Variants in VAMP7 observed in about 807,000 individuals in gnomAD.
VAMP7 encodes vesicle-associated membrane protein 7.
Under a neutral mutation model 29.6 loss-of-function variants are expected in VAMP7, and 14 were observed. The ratio of observed to expected loss-of-function variants is 0.47; its 90% confidence interval spans 0.31 to 0.74. VAMP7 has a LOEUF of 0.74. Ranked by LOEUF, VAMP7 falls within the 30% of genes least tolerant of loss-of-function variation. The pLI is 0.05. For synonymous variants in VAMP7, 95 were observed against 88.1 expected, an observed-to-expected ratio of 1.08 and a Z score of -0.44; for missense variants, 223 against 262.4, an observed-to-expected ratio of 0.85 and a Z score of 1.04.
At chrX:155,936,841 A>AT (rs1158549426) in intron 6 of VAMP7, among the ~76,000 whole-genome samples, 3 of 152,192 alleles carry the variant, frequency 2.0e-5, no homozygotes, top group African/African-American at 7.2e-5. Context: ...ATCAAAGGAA[A>AT]TTTTTTAAAA....
intron 6 of VAMP7, among the ~76,000 whole-genome samples, chrX:155,925,288 G>T (rs2066452306): frequency 6.6e-6 from 1 of 152,048 alleles, no homozygotes; most frequent in Admixed American, 6.5e-5. Context: ...AGTTTACTTT[G>T]CCCAGATCCA....
At chrX:155,918,074 G>A (rs937775996) in intron 5 of VAMP7, among the ~76,000 whole-genome samples, 12 of 152,064 alleles carry the variant, frequency 7.9e-5, no homozygotes, top group South Asian at 2.1e-4. Context: ...GGCTCTCCCC[G>A]GTTCAAACTT....
chrX:155,909,339 C>T (rs1264454449), intron 5 of VAMP7, among the ~76,000 whole-genome samples: 3 of 152,060 alleles, frequency 2.0e-5, no homozygotes, highest in Non-Finnish European at 2.9e-5. Flanking sequence ...TCTTTCATTT[C>T]TGATTTTAGT....
At chrX:155,913,124 C>T (rs1014665043) in intron 5 of VAMP7, among the ~76,000 whole-genome samples, 7 of 152,018 alleles carry the variant, frequency 4.6e-5, no homozygotes, top group Non-Finnish European at 8.8e-5. Flanking sequence ...TCTAATGACC[C>T]GTGATGATGA....
intron 4 of VAMP7, among the ~76,000 whole-genome samples, chrX:155,898,645 A>T (rs6642249): frequency 0.61 from 93,290 of 151,706 alleles, 28,854 homozygotes; most frequent in African/African-American, 0.68. Context: ...CCTCATCTGT[A>T]TGAATCCCTA....
chrX:155,890,182 ACTGT>A (rs2065910916), intron 2 of VAMP7, among the ~76,000 whole-genome samples: 1 of 151,918 alleles, frequency 6.6e-6, no homozygotes, highest in Admixed American at 6.6e-5. Context: ...GGAACTGCAG[ACTGT>A]TCTCTGTGAC....
chrX:155,943,521 C>A lies in VAMP7; in HGVS notation c.*1570C>A, dbSNP rs923419685. On this transcript the variant is annotated 3_prime_UTR_variant, in exon 8 of 8. Transcript: ENST00000286448. The stretch of plus-strand genomic sequence containing the variant: ...CATCAGTATTTCCTATTGGAAAATA[C>A]ATCTGTTCCAGAAAAACATTTGGCA... The A allele has an allele frequency of 8.5e-5, 13 of 152,426 alleles. 1 individual carries two copies. Among genetic ancestry groups the A allele is most frequent in the Admixed American group, 4.6e-4 (7 of 15,256 alleles). The allele number at this position is 152,426 out of a possible 1,614,324, so 9.4% of individuals were successfully genotyped here. A position where few individuals can be genotyped will look rare whatever the true frequency, so the allele number is the denominator to read the frequency against.
chrX:155,925,225 C>T (rs1427321760), intron 6 of VAMP7, among the ~76,000 whole-genome samples: 1 of 152,136 alleles, frequency 6.6e-6, no homozygotes, highest in Non-Finnish European at 1.5e-5. Context: ...TCCCACGAAT[C>T]ATGAATGTTC....
At chrX:155,937,624 A>G (rs988565641) in intron 6 of VAMP7, among the ~76,000 whole-genome samples, 1 of 152,208 alleles carries the variant, frequency 6.6e-6, no homozygotes, top group African/African-American at 2.4e-5. Context: ...AATGTTACTA[A>G]AAGTGTAACA....
In VAMP7 at chrX:155,890,766, G is replaced by A. The variant is rs1203560677; in HGVS notation, c.146+1154G>A. Among the ~76,000 whole-genome samples, 12 of 152,222 alleles carry A rather than the reference G, an allele frequency of 7.9e-5. No homozygotes were observed. In the South Asian group the frequency reaches 2.3e-3, roughly 29 times the overall value. ...TTTAAAAAGTGCCTCAACCTTCCCC[G>A]TTGGCACTTAAAAATCTTTTCTTAC... On this transcript the variant is annotated intron_variant, in intron 2 of 7. Transcript: ENST00000286448.
chrX:155,921,978 A>C (rs1193745750), intron 6 of VAMP7, among the ~76,000 whole-genome samples: 1 of 151,734 alleles, frequency 6.6e-6, no homozygotes. Context: ...GGATTTAAAA[A>C]TTTTTCTCAG....
chrX:155,886,481 T>C (rs868381068), intron 1 of VAMP7, among the ~76,000 whole-genome samples: 7 of 152,324 alleles, frequency 4.6e-5, no homozygotes, highest in Middle Eastern at 6.8e-3. Flanking sequence ...GTATAACTTA[T>C]ATTCATTGTT....
At chrX:155,906,194 A>G (rs186144694) in intron 5 of VAMP7, among the ~76,000 whole-genome samples, 103 of 152,298 alleles carry the variant, frequency 6.8e-4, no homozygotes, top group Middle Eastern at 6.8e-3. Flanking sequence ...GGCCTGCCTA[A>G]GGAAGTCTTA....
intron 2 of VAMP7, 29 bp from the exon 3 acceptor site, chrX:155,895,594 C>T (rs761889435): frequency 1.9e-6 from 3 of 1,551,836 alleles, no homozygotes; most frequent in Admixed American, 1.7e-5. Flanking sequence ...CTTATAACCA[C>T]AGTAAGTTTT....
At chrX:155,899,680 G>A (rs5983814) in intron 4 of VAMP7, among the ~76,000 whole-genome samples, 96,367 of 151,334 alleles carry the variant, frequency 0.64, 30,982 homozygotes, top group African/African-American at 0.73. Flanking sequence ...GTAAAACTGT[G>A]TAAAACACTA....
intron 6 of VAMP7, among the ~76,000 whole-genome samples, chrX:155,930,177 G>T (rs1452433397): frequency 6.6e-6 from 1 of 152,088 alleles, no homozygotes; most frequent in African/African-American, 2.4e-5. Context: ...TTTTATTGGG[G>T]TTTCATTATG....
chrX:155,882,521 CCTGT>C (rs1410438149), intron 1 of VAMP7, among the ~76,000 whole-genome samples: 2 of 152,034 alleles, frequency 1.3e-5, no homozygotes, highest in African/African-American at 2.4e-5. Flanking sequence ...CTTCTTTTCC[CCTGT>C]CTAAGCAGTG....
intron 6 of VAMP7, among the ~76,000 whole-genome samples, chrX:155,936,910 A>T (rs1158967125): frequency 6.6e-6 from 1 of 152,214 alleles, no homozygotes; most frequent in African/African-American, 2.4e-5. Flanking sequence ...TTAACCAAGG[A>T]TGTAATAATG....
intron 6 of VAMP7, among the ~76,000 whole-genome samples, chrX:155,937,251 G>A (rs2066674038): frequency 6.6e-6 from 1 of 152,142 alleles, no homozygotes; most frequent in African/African-American, 2.4e-5. Context: ...GTAAAACAGT[G>A]GTTGACAGTG....
Sources: gnomAD v4.1 joint callset for allele counts (sites outside exome capture counted in the v4.1 genomes callset) on GRCh38, gnomAD v4.1.1 for gene constraint, MANE v1.5 for transcripts, NCBI Gene and HGNC (gene_info 2026-07-23, HGNC 2026-07-21) for gene names.